The following UTRN variants were observed in gnomAD, a reference collection of about 807,000 sequenced individuals.
The protein encoded by UTRN is utrophin.
A neutral mutation model predicts 463.9 loss-of-function variants in UTRN; 283 were observed. The observed-to-expected ratio is 0.61, with a 90% CI of 0.55 to 0.67. The LOEUF (loss-of-function observed/expected upper bound fraction) is 0.67. Ranked by LOEUF, UTRN falls within the 30% of genes least tolerant of loss-of-function variation. The pLI, the probability that UTRN is intolerant of heterozygous loss-of-function variation, is 0.00. For missense variants in UTRN, 3,922 were observed against 4,084.3 expected, an observed-to-expected ratio of 0.96 and a Z score of 1.08; for synonymous variants, 1,442 against 1,431.5, an observed-to-expected ratio of 1.01 and a Z score of -0.17.
chr6:144,489,922 C>A (rs150458256), intron 30 of UTRN, 149 bp from the exon 31 acceptor site: 2 of 1,215,132 alleles, frequency 1.6e-6, no homozygotes, highest in African/African-American at 1.6e-5. Context: ...ACCTGGCCTA[C>A]AAAAACTTAT....
chr6:144,576,563 T>C (rs539311843), intron 50 of UTRN, among the ~76,000 whole-genome samples: 1 of 152,292 alleles, frequency 6.6e-6, no homozygotes, highest in African/African-American at 2.4e-5. Context: ...TTGTCTTAAA[T>C]ATTTCTTCAG....
chr6:144,307,877 C>G (rs1235206575), intron 2 of UTRN, among the ~76,000 whole-genome samples: 1 of 150,830 alleles, frequency 6.6e-6, no homozygotes, highest in Non-Finnish European at 1.5e-5. Flanking sequence ...GAATGGATAT[C>G]ACAGTGCTTT....
At chr6:144,809,320 G>C (rs1778411024) in intron 65 of UTRN, among the ~76,000 whole-genome samples, 1 of 152,092 alleles carries the variant, frequency 6.6e-6, no homozygotes, top group African/African-American at 2.4e-5. Flanking sequence ...GAGGTTAATT[G>C]ACAAGGATTT....
At chr6:144,734,702 C>T (rs892813493) in intron 54 of UTRN, among the ~76,000 whole-genome samples, 1 of 152,212 alleles carries the variant, frequency 6.6e-6, no homozygotes, top group African/African-American at 2.4e-5. Context: ...TCTAAGCCCC[C>T]ACTACCCCTT....
intron 29 of UTRN, among the ~76,000 whole-genome samples, chr6:144,488,224 TAA>T (rs1792673282): frequency 6.6e-6 from 1 of 152,206 alleles, no homozygotes; most frequent in Non-Finnish European, 1.5e-5. Context: ...AAAAGTGCTG[TAA>T]ATAGTAGTTT....
chr6:144,820,890 T>G lies in UTRN; in HGVS notation c.9366T>G (p.Ser3122=). The G allele has an allele frequency of 6.2e-7, 1 of 1,613,070 alleles. No individual in the cohort carries two copies. The highest frequency in any genetic ancestry group is 8.5e-7 in the Non-Finnish European group (1 of 1,179,534). The change falls in exon 66 of 75, where the codon TCT becomes TCG. Residue 3122 remains serine, a synonymous_variant. Transcript: ENST00000367545. ...TGTTTTCAACCTTATAGACAACATC[T>G]GGGGAAGATGTACGAGACTTCACAA... ...PMVEYCIPTT[S]GEDVRDFTKV...
intron 53 of UTRN, among the ~76,000 whole-genome samples, chr6:144,729,217 T>C (rs2128713519): frequency 6.6e-6 from 1 of 152,308 alleles, no homozygotes; most frequent in Non-Finnish European, 1.5e-5. Flanking sequence ...CTCTGTCAGC[T>C]TCATTACCAG....
intron 23 of UTRN, among the ~76,000 whole-genome samples, chr6:144,471,059 AGGGAGG>A (rs1562450949): frequency 1.5e-4 from 2 of 13,130 alleles, no homozygotes; most frequent in Non-Finnish European, 2.8e-4. Context: ...GGAGGGGGAG[AGGGAGG>A]GGGAGGGGGC....
intron 68 of UTRN, 116 bp downstream of exon 68, chr6:144,827,792 A>T: frequency 8.1e-7 from 1 of 1,236,078 alleles, no homozygotes; most frequent in Non-Finnish European, 1.1e-6. Context: ...TGCAGGAGTT[A>T]TGATTCCATT....
chr6:144,679,761 T>C (rs1164645940), intron 52 of UTRN, among the ~76,000 whole-genome samples: 1 of 152,184 alleles, frequency 6.6e-6, no homozygotes, highest in East Asian at 1.9e-4. Flanking sequence ...TGATTACTTA[T>C]CATAAATGAA....
At chr6:144,673,773 G>C (rs1781296025) in intron 51 of UTRN, among the ~76,000 whole-genome samples, 1 of 151,944 alleles carries the variant, frequency 6.6e-6, no homozygotes, top group South Asian at 2.1e-4. Context: ...ATTATATTTT[G>C]GTGTATTTCA....
chr6:144,740,276 C>T (rs1212539130), intron 54 of UTRN, among the ~76,000 whole-genome samples: 1 of 152,250 alleles, frequency 6.6e-6, no homozygotes, highest in South Asian at 2.1e-4. Context: ...TCATTTTCTT[C>T]GATTTTAAAA....
At chr6:144,561,427 T>C (rs1484584500) in intron 50 of UTRN, among the ~76,000 whole-genome samples, 3 of 151,320 alleles carry the variant, frequency 2.0e-5, no homozygotes, top group Admixed American at 6.6e-5. Flanking sequence ...CACACTCATG[T>C]ATATACACAC....
intron 53 of UTRN, chr6:144,708,279 TG>T: frequency 1.5e-6 from 1 of 661,428 alleles, no homozygotes; most frequent in South Asian, 1.4e-5. Context: ...GCAATAGAGT[TG>T]TAAGTACTGA....
At chr6:144,642,403 C>A (rs1490708763) in intron 51 of UTRN, among the ~76,000 whole-genome samples, 2 of 152,030 alleles carry the variant, frequency 1.3e-5, no homozygotes, top group African/African-American at 2.4e-5. Flanking sequence ...TGTTTGCAAT[C>A]TTTTGTTTTT....
chr6:144,525,703 A>AT (rs1024061275), intron 41 of UTRN, among the ~76,000 whole-genome samples: 17 of 137,128 alleles, frequency 1.2e-4, no homozygotes, highest in African/African-American at 3.8e-4. Flanking sequence ...GATCTTGGTT[A>AT]TTTTTTTTTC....
chr6:144,657,774 C>T (rs547187663), intron 51 of UTRN, among the ~76,000 whole-genome samples: 5 of 152,296 alleles, frequency 3.3e-5, no homozygotes, highest in Admixed American at 6.5e-5. Context: ...AATGGAATGG[C>T]GTGTTTGCAC....
At position 144,293,894 on chromosome 6, in the gene UTRN, ATGTG is replaced by A. The variant is rs57561876; in HGVS notation, c.79+2007_79+2010del. Reference sequence around the variant, plus strand: ...ATAAAAAGTGATACAGATGTGTGTGATGTGTGTGTGTGTGTGTGTGTGTATGAAT... The same window carrying A: ...ATAAAAAGTGATACAGATGTGTGTGATGTGTGTGTGTGTGTGTGTATGAAT... On this transcript the variant is annotated intron_variant, in intron 2 of 74. Coordinates refer to ENST00000367545, the MANE Select transcript of UTRN (RefSeq NM_007124.3). Among the ~76,000 whole-genome samples, 74 of 148,632 alleles carry A rather than the reference ATGTG, an allele frequency of 5.0e-4. No homozygotes were observed. The East Asian group carries it at 0.011, about 22-fold the overall frequency.
At chr6:144,376,465 A>AG (rs1425278160) in intron 2 of UTRN, among the ~76,000 whole-genome samples, 1 of 151,850 alleles carries the variant, frequency 6.6e-6, no homozygotes, top group Non-Finnish European at 1.5e-5. Flanking sequence ...AAAAAAAAAA[A>AG]AAAGTTTTTT....
Sources: gnomAD v4.1 joint callset for allele counts (sites outside exome capture counted in the v4.1 genomes callset) on GRCh38, gnomAD v4.1.1 for gene constraint, MANE v1.5 for transcripts, NCBI Gene and HGNC (gene_info 2026-07-23, HGNC 2026-07-21) for gene names.